The following PDE10A variants were observed in gnomAD, a reference collection of about 807,000 sequenced individuals.
PDE10A encodes the protein cAMP and cAMP-inhibited cGMP 3',5'-cyclic phosphodiesterase 10A.
In PDE10A, 39 loss-of-function variants were observed where a neutral mutation model predicts 97.7. That is an observed-to-expected ratio of 0.40 (90% CI 0.31 to 0.52). The LOEUF is 0.52. Ranked by LOEUF, PDE10A falls within the 20% of genes least tolerant of loss-of-function variation. PDE10A has a pLI of 0.56. For missense variants in PDE10A, 731 were observed against 1,047.8 expected, an observed-to-expected ratio of 0.70 and a Z score of 4.17; for synonymous variants, 371 against 376.8, an observed-to-expected ratio of 0.98 and a Z score of 0.18.
intron 18 of PDE10A, among the ~76,000 whole-genome samples, chr6:165,374,922 T>A (rs533883610): frequency 6.6e-6 from 1 of 152,148 alleles, no homozygotes; most frequent in Non-Finnish European, 1.5e-5. Flanking sequence ...GTCACAGTGA[T>A]CTATGATCAG....
At chr6:165,580,996 G>T (rs996672340) in intron 1 of PDE10A, among the ~76,000 whole-genome samples, 2 of 152,166 alleles carry the variant, frequency 1.3e-5, no homozygotes, top group African/African-American at 4.8e-5. Flanking sequence ...TTTTTGACTT[G>T]TTAAATTATA....
intron 13 of PDE10A, among the ~76,000 whole-genome samples, chr6:165,400,414 G>C (rs964963427): frequency 6.6e-6 from 1 of 152,128 alleles, no homozygotes; most frequent in African/African-American, 2.4e-5. Flanking sequence ...GCCAAAGACT[G>C]CGAGCAAATA....
chr6:165,874,458 T>G (rs189562856), intron 1 of PDE10A, among the ~76,000 whole-genome samples: 1 of 152,342 alleles, frequency 6.6e-6, no homozygotes, highest in East Asian at 1.9e-4. Context: ...AAGTGAGGCA[T>G]GAATTTATTC....
rs547500562 is a variant in PDE10A at position 165,742,465 on chromosome 6, C to A, written c.-614-198897G>T. The stretch of plus-strand genomic sequence containing the variant: ...CATGAGTGGAGGAGTCATCCCGAGT[C>A]CCACCCAGGACATCTGATGCCAAAC... On this transcript the variant is annotated intron_variant, in intron 1 of 19. Transcript: ENST00000366882. Among the ~76,000 whole-genome samples the A allele has an allele frequency of 5.3e-5, 8 of 152,192 alleles. 1 individual carries two copies. Among genetic ancestry groups the A allele is most frequent in the African/African-American group, 1.9e-4 (8 of 41,518 alleles).
At chr6:165,349,815 C>T (rs2128185590) in intron 18 of PDE10A, among the ~76,000 whole-genome samples, 1 of 152,300 alleles carries the variant, frequency 6.6e-6, no homozygotes, top group East Asian at 1.9e-4. Context: ...ATGGCTCAGG[C>T]TGTTATTTTA....
At chr6:165,894,277 C>T (rs763790088) in intron 1 of PDE10A, 3 of 455,804 alleles carry the variant, frequency 6.6e-6, no homozygotes, top group African/African-American at 2.0e-5. Flanking sequence ...TTTGGTGAAG[C>T]CCGAGAAGAT....
At position 165,500,341 on chromosome 6, in the gene PDE10A, A is replaced by G. The variant is rs1010277786; in HGVS notation, c.995-17998T>C. On this transcript the variant is annotated intron_variant, in intron 2 of 21. Transcript: ENST00000539869. ...CTACGCAGAAAGAAGTAGACATAAGAGACTCCATTTTGTTCTGTACTAGAA... is the reference window on the plus strand; with the variant it reads ...CTACGCAGAAAGAAGTAGACATAAGGGACTCCATTTTGTTCTGTACTAGAA... Among the ~76,000 whole-genome samples, 40 of 152,320 alleles carry G rather than the reference A, an allele frequency of 2.6e-4. 1 individual carries two copies. The highest frequency in any genetic ancestry group is 8.7e-4 in the African/African-American group (36 of 41,580).
At chr6:165,810,862 T>C (rs1779263402) in intron 1 of PDE10A, among the ~76,000 whole-genome samples, 1 of 151,946 alleles carries the variant, frequency 6.6e-6, no homozygotes, top group Non-Finnish European at 1.5e-5. Context: ...AACACCACTT[T>C]GGGAACTGCT....
At chr6:165,748,889 T>C (rs1792903466) in intron 1 of PDE10A, among the ~76,000 whole-genome samples, 2 of 152,146 alleles carry the variant, frequency 1.3e-5, no homozygotes, top group South Asian at 4.1e-4. Flanking sequence ...TATATGAACC[T>C]GTGGGACCAT....
chr6:165,961,232 CA>C (rs1784350920), intron 1 of PDE10A, among the ~76,000 whole-genome samples: 1 of 152,070 alleles, frequency 6.6e-6, no homozygotes, highest in African/African-American at 2.4e-5. Context: ...ATTTCAGTCC[CA>C]AAAAACAAAT....
chr6:165,449,071 C>A, intron 4 of PDE10A, 94 bp from the exon 5 acceptor site: 2 of 851,280 alleles, frequency 2.3e-6, no homozygotes, highest in Non-Finnish European at 4.0e-6. Context: ...GTGAGTCTTT[C>A]AAATTGATTT....
chr6:165,674,400 C>T (rs1790735781), intron 1 of PDE10A, among the ~76,000 whole-genome samples: 6 of 152,042 alleles, frequency 3.9e-5, no homozygotes, highest in Admixed American at 3.9e-4. Flanking sequence ...CCGCCACATC[C>T]CAGCTGCCCA....
At position 165,385,726 on chromosome 6, in the gene PDE10A, G is replaced by A. The variant is rs187618518; in HGVS notation, c.2610+2572C>T. On this transcript the variant is annotated intron_variant, in intron 17 of 21. Transcript: ENST00000539869. ...TCAGCCAAGTGTACAGAAATTTTCC[G>A]AAGAGGAAGACACTCTTCCCTGAAT... is the stretch of plus-strand genomic sequence containing the variant. Among the ~76,000 whole-genome samples, 12 of 152,308 alleles carry A rather than the reference G, an allele frequency of 7.9e-5. No individual in the cohort carries two copies. In the South Asian group the frequency reaches 1.0e-3, roughly 13 times the overall value.
At chr6:165,571,797 C>T (rs1312007010) in intron 1 of PDE10A, among the ~76,000 whole-genome samples, 1 of 152,248 alleles carries the variant, frequency 6.6e-6, no homozygotes. Context: ...TTTCTATTCA[C>T]TTGCTGACAC....
intron 3 of PDE10A, among the ~76,000 whole-genome samples, chr6:165,451,134 C>T (rs1368671701): frequency 6.6e-6 from 1 of 152,132 alleles, no homozygotes; most frequent in African/African-American, 2.4e-5. Context: ...CCTTGGTCTG[C>T]TCTCATCCCT....
chr6:165,596,258 T>C (rs1011382942), intron 1 of PDE10A, among the ~76,000 whole-genome samples: 1 of 152,160 alleles, frequency 6.6e-6, no homozygotes, highest in African/African-American at 2.4e-5. Flanking sequence ...AATCCTTTCA[T>C]CTCTCATCCA....
chr6:165,763,989 G>A (rs1221668002), intron 1 of PDE10A, among the ~76,000 whole-genome samples: 5 of 152,180 alleles, frequency 3.3e-5, no homozygotes, highest in Admixed American at 2.6e-4. Context: ...GAAGAAACGG[G>A]TTTGAGATCC....
chr6:165,483,217 G>T, intron 2 of PDE10A, among the ~76,000 whole-genome samples: 1 of 152,182 alleles, frequency 6.6e-6, no homozygotes, highest in Non-Finnish European at 1.5e-5. Flanking sequence ...TTTGGTTCCT[G>T]TGTCTTCTTG....
At chr6:165,783,649 T>C (rs1030298171) in intron 1 of PDE10A, among the ~76,000 whole-genome samples, 8 of 152,166 alleles carry the variant, frequency 5.3e-5, no homozygotes, top group Non-Finnish European at 2.9e-5. Context: ...AAATCTCACA[T>C]TCAGAGCAAA....
Sources: gnomAD v4.1 joint callset for allele counts (sites outside exome capture counted in the v4.1 genomes callset) on GRCh38, gnomAD v4.1.1 for gene constraint, MANE v1.5 for transcripts, NCBI Gene and HGNC (gene_info 2026-07-23, HGNC 2026-07-21) for gene names.